The following CNTNAP2 variants were observed in gnomAD, a reference collection of about 807,000 sequenced individuals.
CNTNAP2 encodes the protein contactin associated protein 2, also known as contactin-associated protein-like 2.
In CNTNAP2, 98 loss-of-function variants were observed where a neutral mutation model predicts 155.2. That is an observed-to-expected ratio of 0.63 (90% CI 0.54 to 0.75). The LOEUF is 0.75. Among genes scored for constraint, CNTNAP2 ranks in the 30% least tolerant of loss-of-function variants. CNTNAP2 has a pLI of 0.00. For missense variants in CNTNAP2, 1,727 were observed against 1,688.1 expected (o/e 1.02, Z -0.40); for synonymous variants, 651 against 631.2 (o/e 1.03, Z -0.47).
rs148463384 is a variant in CNTNAP2 at position 146,829,867 on chromosome 7, A to G, written c.209-9844A>G. ...TTAGTTTTAAAATTATCTTTCTTAA[A>G]AGATTGATCTCATAAGATTGAATAC... On this transcript the variant is annotated intron_variant, in intron 2 of 23. Transcript: ENST00000361727. 3.3e-3 allele frequency among the ~76,000 whole-genome samples: 505 copies of G among 152,170 alleles called. 3 individuals are homozygous for G. The highest frequency in any genetic ancestry group is 0.012 in the African/African-American group (486 of 41,574).
At chr7:146,248,178 A>T (rs1799695113) in intron 1 of CNTNAP2, among the ~76,000 whole-genome samples, 1 of 152,048 alleles carries the variant, frequency 6.6e-6, no homozygotes, top group Non-Finnish European at 1.5e-5. Context: ...CCGGGTGCGG[A>T]AATAAGGGAT....
intron 3 of CNTNAP2, among the ~76,000 whole-genome samples, chr7:146,952,536 C>T (rs1797339461): frequency 6.6e-6 from 1 of 152,158 alleles, no homozygotes; most frequent in African/African-American, 2.4e-5. Flanking sequence ...ACCCCATCGC[C>T]TCAGCCACAA....
intron 12 of CNTNAP2, among the ~76,000 whole-genome samples, chr7:147,608,440 A>G (rs1801115103): frequency 6.6e-6 from 1 of 151,808 alleles, no homozygotes; most frequent in Non-Finnish European, 1.5e-5. Context: ...AGGATCTATA[A>G]CCCCATGAAC....
intron 8 of CNTNAP2, among the ~76,000 whole-genome samples, chr7:147,168,078 CAT>C (rs1000919934): frequency 3.9e-4 from 57 of 147,932 alleles, no homozygotes; most frequent in Admixed American, 1.2e-3. Flanking sequence ...TATATTTATA[CAT>C]ATATATGACA....
chr7:146,934,288 G>T (rs1461665634), intron 3 of CNTNAP2, among the ~76,000 whole-genome samples: 1 of 152,086 alleles, frequency 6.6e-6, no homozygotes, highest in Non-Finnish European at 1.5e-5. Context: ...CATGTCCTTT[G>T]TAGGGACATG....
At chr7:147,528,181 G>GTTAT (rs113736440) in intron 11 of CNTNAP2, among the ~76,000 whole-genome samples, 16,448 of 152,142 alleles carry the variant, frequency 0.11, 2,023 homozygotes, top group African/African-American at 0.3. Flanking sequence ...GTGGGAAGCT[G>GTTAT]TTTACTCTAA....
At chr7:146,752,228 T>C (rs1253152559) in intron 1 of CNTNAP2, among the ~76,000 whole-genome samples, 1 of 152,110 alleles carries the variant, frequency 6.6e-6, no homozygotes, top group East Asian at 1.9e-4. Flanking sequence ...TTGAACTAAT[T>C]TACACTCCCA....
At chr7:146,683,383 G>T (rs1210502285) in intron 1 of CNTNAP2, among the ~76,000 whole-genome samples, 4 of 152,082 alleles carry the variant, frequency 2.6e-5, no homozygotes, top group African/African-American at 9.7e-5. Flanking sequence ...GGGAATCCTT[G>T]TTGCTTAATA....
At position 147,978,025 on chromosome 7, in the gene CNTNAP2, T is replaced by C. The variant is rs201300642; in HGVS notation, c.2383+36T>C. 3.0e-3 allele frequency: 4,915 copies of C among 1,612,906 alleles called. 14 individuals carry two copies. Among genetic ancestry groups the C allele is most frequent in the Admixed American group, 7.3e-3 (435 of 59,938 alleles). On this transcript the variant is annotated intron_variant, in intron 15 of 23. Coordinates refer to ENST00000361727, the MANE Select transcript of CNTNAP2 (RefSeq NM_014141.6). ...ATAGCAGCTATGGCTTGCACTTTCT[T>C]ATCCCATTTAAATATTGTTTCCAGG... is the stretch of plus-strand genomic sequence containing the variant.
At chr7:147,471,993 A>G (rs1798224864) in intron 10 of CNTNAP2, among the ~76,000 whole-genome samples, 1 of 152,146 alleles carries the variant, frequency 6.6e-6, no homozygotes, top group Non-Finnish European at 1.5e-5. Context: ...AGTGTATTTG[A>G]AAAAAAGAAG....
intron 14 of CNTNAP2, among the ~76,000 whole-genome samples, chr7:147,963,056 A>G (rs199828050): frequency 2.1e-4 from 31 of 146,776 alleles, no homozygotes; most frequent in African/African-American, 7.7e-4. Context: ...TAATACAGTT[A>G]TTATTATACC....
At chr7:147,901,190 T>C (rs1799862281) in intron 13 of CNTNAP2, among the ~76,000 whole-genome samples, 1 of 152,190 alleles carries the variant, frequency 6.6e-6, no homozygotes, top group African/African-American at 2.4e-5. Flanking sequence ...ACTACTATTT[T>C]ATTACTTCTT....
chr7:147,732,704 T>G (rs1444275292), intron 13 of CNTNAP2, among the ~76,000 whole-genome samples: 2 of 152,198 alleles, frequency 1.3e-5, no homozygotes, highest in African/African-American at 4.8e-5. Flanking sequence ...ACCTGCTGTT[T>G]CCTGACTTTT....
At chr7:147,730,408 T>C (rs971488263) in intron 13 of CNTNAP2, among the ~76,000 whole-genome samples, 14 of 152,068 alleles carry the variant, frequency 9.2e-5, no homozygotes, top group Non-Finnish European at 1.8e-4. Flanking sequence ...TTTTGATAAT[T>C]CTCCCAACAA....
chr7:147,494,592 C>A (rs566923630), intron 11 of CNTNAP2, among the ~76,000 whole-genome samples: 4 of 151,976 alleles, frequency 2.6e-5, no homozygotes, highest in African/African-American at 9.6e-5. Context: ...CTTGAGGGAA[C>A]TGGCATTATT....
At chr7:146,403,775 T>C (rs1409353066) in intron 1 of CNTNAP2, among the ~76,000 whole-genome samples, 1 of 152,072 alleles carries the variant, frequency 6.6e-6, no homozygotes, top group Admixed American at 6.5e-5. Context: ...TCTCCAAACA[T>C]AGGTCTAGAA....
intron 20 of CNTNAP2, among the ~76,000 whole-genome samples, chr7:148,235,043 A>G (rs144407488): frequency 2.2e-3 from 333 of 152,370 alleles, no homozygotes; most frequent in African/African-American, 7.2e-3. Flanking sequence ...CTAGGTCCTC[A>G]GGAACAAATG....
In CNTNAP2 at chr7:147,132,825, G is replaced by C. The variant is rs532352114; in HGVS notation, c.1348+316G>C. Among the ~76,000 whole-genome samples, 8 of 152,190 alleles carry C rather than the reference G, an allele frequency of 5.3e-5. No homozygotes were observed. In the South Asian group the frequency reaches 1.0e-3, roughly 20 times the overall value. On this transcript the variant is annotated intron_variant, in intron 8 of 23. Coordinates refer to ENST00000361727, the MANE Select transcript of CNTNAP2 (RefSeq NM_014141.6). ...TGAATAATTTATGTTTAAAAACAAG[G>C]AATGTTTATTTTAAAAACACAATTG...
At chr7:147,481,735 C>G (rs1184602010) in intron 10 of CNTNAP2, among the ~76,000 whole-genome samples, 1 of 152,172 alleles carries the variant, frequency 6.6e-6, no homozygotes, top group Non-Finnish European at 1.5e-5. Context: ...GTCACTTGAT[C>G]ACAACAAATT....
Sources: gnomAD v4.1 joint callset for allele counts (sites outside exome capture counted in the v4.1 genomes callset) on GRCh38, gnomAD v4.1.1 for gene constraint, MANE v1.5 for transcripts, NCBI Gene and HGNC (gene_info 2026-07-23, HGNC 2026-07-21) for gene names.